Variants in CMIP observed in about 807,000 individuals in gnomAD.
CMIP encodes c-Maf inducing protein.
CMIP carries 13 observed loss-of-function variants against 97.3 expected under a neutral mutation model. The ratio of observed to expected loss-of-function variants is 0.13; its 90% confidence interval spans 0.09 to 0.21. The LOEUF is 0.21. Ranked by LOEUF, CMIP falls within the 10% of genes least tolerant of loss-of-function variation. The pLI is 1.00. For synonymous variants in CMIP, 538 were observed against 436.3 expected (o/e 1.23, Z -2.91); for missense variants, 847 against 1,024.9 (o/e 0.83, Z 2.37).
rs193262061 is a variant in CMIP, at chr16:81,607,213, G to T, written c.301-354G>T. On this transcript the variant is annotated intron_variant, in intron 1 of 20. Transcript: ENST00000537098. ...AATCGGTGCTTTCTGGGCAGGAGAA[G>T]GTGGTGGCTTATTGCTGGTGAGGGA... 4.6e-5 allele frequency among the ~76,000 whole-genome samples: 7 copies of T among 152,358 alleles called. No individual in the cohort carries two copies. The East Asian group carries it at 1.2e-3, about 25-fold the overall frequency.
At chr16:81,647,372 A>G (rs1458505710) in intron 3 of CMIP, among the ~76,000 whole-genome samples, 2 of 152,034 alleles carry the variant, frequency 1.3e-5, no homozygotes, top group South Asian at 2.1e-4. Flanking sequence ...TTCCGTCACA[A>G]CTCCTACAGT....
intron 1 of CMIP, chr16:81,518,623 C>T (rs970777669): frequency 1.3e-5 from 2 of 152,282 alleles, no homozygotes; most frequent in Admixed American, 6.5e-5. Flanking sequence ...GCATTAGCAT[C>T]CTACCGTTCC....
chr16:81,533,841 G>C (rs2090288814), intron 1 of CMIP: 1 of 152,424 alleles, frequency 6.6e-6, no homozygotes, highest in African/African-American at 2.4e-5. Context: ...GACCGGGGTG[G>C]AGTCCATGCA....
At chr16:81,669,563 C>A (rs1355929450) in intron 7 of CMIP, among the ~76,000 whole-genome samples, 3 of 146,148 alleles carry the variant, frequency 2.1e-5, no homozygotes, top group Admixed American at 2.0e-4. Flanking sequence ...CTTCATACTT[C>A]CTTCCACACC....
intron 2 of CMIP, chr16:81,619,634 C>G (rs930676775): frequency 3.9e-5 from 6 of 152,232 alleles, no homozygotes; most frequent in Non-Finnish European, 5.9e-5. Flanking sequence ...TCGGCCCAGC[C>G]TGGGGTGGAG....
chr16:81,607,102 G>C (rs1202893563), intron 1 of CMIP: 2 of 158,128 alleles, frequency 1.3e-5, no homozygotes, highest in African/African-American at 4.8e-5. Flanking sequence ...TTGAGGAGGA[G>C]GGTGGGGCTA....
chr16:81,657,583 C>G (rs549047613), intron 4 of CMIP, among the ~76,000 whole-genome samples, 192 bp from the exon 5 acceptor site: 1 of 152,166 alleles, frequency 6.6e-6, no homozygotes, highest in Non-Finnish European at 1.5e-5. Context: ...TGCCCCAAAA[C>G]CATACCTTCT....
At chr16:81,578,995 T>C (rs903156267) in intron 1 of CMIP, among the ~76,000 whole-genome samples, 7 of 152,356 alleles carry the variant, frequency 4.6e-5, no homozygotes, top group Non-Finnish European at 7.3e-5. Context: ...GTTCCAGATC[T>C]AGCTCAGCTT....
intron 3 of CMIP, among the ~76,000 whole-genome samples, chr16:81,629,100 T>A (rs1404084108): frequency 2.6e-5 from 3 of 117,452 alleles, no homozygotes; most frequent in African/African-American, 1.0e-4. Context: ...GGTGCCACTA[T>A]ACTCCAGCCT....
chr16:81,462,599 G>A (rs147095695), intron 1 of CMIP, among the ~76,000 whole-genome samples: 2 of 152,250 alleles, frequency 1.3e-5, no homozygotes, highest in Non-Finnish European at 2.9e-5. Flanking sequence ...TCCCTGCAGC[G>A]TTTTCTGTAC....
rs2091848483 is a variant in CMIP at position 81,612,506 on chromosome 16, ACT to A, written c.426+4819_426+4820del. Among the ~76,000 whole-genome samples the A allele has an allele frequency of 2.6e-5, 4 of 152,142 alleles. No individual in the cohort carries two copies. In the South Asian group the frequency reaches 8.3e-4, roughly 32 times the overall value. ...GTCTGGAAAGCACCAGAAAGGTCTC[ACT>A]CTCTAGCTTCCAGTAAGAAAGGAAG... is the stretch of plus-strand genomic sequence containing the variant. On this transcript the variant is annotated intron_variant, in intron 2 of 20. Coordinates refer to ENST00000537098, the MANE Select transcript of CMIP (RefSeq NM_198390.3).
chr16:81,495,344 C>T lies in CMIP; in HGVS notation c.300+49803C>T, dbSNP rs2089469503. On this transcript the variant is annotated intron_variant, in intron 1 of 20. Coordinates refer to ENST00000537098, the MANE Select transcript of CMIP (RefSeq NM_198390.3). ...CAGTGATAAGCAGGAGCCAGGCGACCCACAGGCTTCTTGGATGGGCTGGGC... is the reference window on the plus strand; with the variant it reads ...CAGTGATAAGCAGGAGCCAGGCGACTCACAGGCTTCTTGGATGGGCTGGGC... 9 of 1,476,558 alleles carry T rather than the reference C, an allele frequency of 6.1e-6. No homozygotes were observed. In the East Asian group the frequency reaches 2.3e-4, roughly 37 times the overall value. The allele number at this position is 1,476,558 out of a possible 1,614,324, so 91.5% of individuals were successfully genotyped here. A position where few individuals can be genotyped will look rare whatever the true frequency, so the allele number is the denominator to read the frequency against.
intron 3 of CMIP, among the ~76,000 whole-genome samples, chr16:81,649,773 T>A (rs890418027): frequency 6.6e-6 from 1 of 152,218 alleles, no homozygotes; most frequent in African/African-American, 2.4e-5. Flanking sequence ...CGGGTGTGGA[T>A]CGCTGTGGTT....
At chr16:81,577,949 T>A (rs935357602) in intron 1 of CMIP, among the ~76,000 whole-genome samples, 13 of 151,098 alleles carry the variant, frequency 8.6e-5, no homozygotes, top group Non-Finnish European at 1.6e-4. Flanking sequence ...ATCACCACCA[T>A]CATCCCCATT....
chr16:81,621,057 T>C lies in CMIP; in HGVS notation c.477+131T>C. Reference sequence around the variant, plus strand: ...CAGATGGCTCAGCTGAGGAACTTTGTTCCCCTACCTAAGAGCCCCTGGCCC... The same window carrying C: ...CAGATGGCTCAGCTGAGGAACTTTGCTCCCCTACCTAAGAGCCCCTGGCCC... On this transcript the variant is annotated intron_variant, in intron 3 of 20. Coordinates refer to ENST00000537098, the MANE Select transcript of CMIP (RefSeq NM_198390.3). This position sits in a 1 kb window ranked among gnomAD's most constrained non-coding sequence, Gnocchi z 4.1. 9.2e-7 allele frequency: 1 copy of C among 1,086,966 alleles called. No individual in the cohort carries two copies. Among genetic ancestry groups the C allele is most frequent in the Non-Finnish European group, 1.3e-6 (1 of 749,008 alleles). The allele number at this position is 1,086,966 out of a possible 1,614,324, so 67.3% of individuals were successfully genotyped here. A position where few individuals can be genotyped will look rare whatever the true frequency, so the allele number is the denominator to read the frequency against.
intron 7 of CMIP, chr16:81,664,792 C>A (rs896043274): frequency 9.5e-6 from 3 of 316,644 alleles, no homozygotes; most frequent in African/African-American, 6.4e-5. Context: ...GCCAGGTGAT[C>A]AAGGTCAACA....
intron 1 of CMIP, among the ~76,000 whole-genome samples, chr16:81,510,923 T>C (rs1416361813): frequency 1.3e-5 from 2 of 152,190 alleles, no homozygotes; most frequent in Non-Finnish European, 2.9e-5. Flanking sequence ...TTTCACCATA[T>C]TGGTCAGTCT....
intron 1 of CMIP, among the ~76,000 whole-genome samples, chr16:81,606,770 A>G (rs1215081152): frequency 6.6e-6 from 1 of 152,112 alleles, no homozygotes; most frequent in Non-Finnish European, 1.5e-5. Flanking sequence ...TGTGGTGAGC[A>G]CCGGAAAAGG....
In CMIP at chr16:81,701,905, C is replaced by T. The variant is rs1202163301; in HGVS notation, c.1896+105C>T. ...CTTGGACCTGAGTGGACCTCAATCT[C>T]GTTGAATTCTCCTCCAAACCCCAGA... On this transcript the variant is annotated intron_variant, in intron 16 of 20. Transcript: ENST00000537098. The T allele has an allele frequency of 2.0e-5, 28 of 1,392,792 alleles. 1 individual carries two copies. Among genetic ancestry groups the T allele is most frequent in the South Asian group, 4.8e-5 (4 of 83,740 alleles). The allele number at this position is 1,392,792 out of a possible 1,614,324, so 86.3% of individuals were successfully genotyped here.
Sources: allele counts gnomAD v4.1 joint callset (sites outside exome capture counted in the v4.1 genomes callset), GRCh38; gene constraint gnomAD v4.1.1; non-coding constraint Gnocchi (gnomAD v3.1); transcripts MANE v1.5; gene names NCBI Gene and HGNC (gene_info 2026-07-23, HGNC 2026-07-21).